Variants in N4BP2 observed in about 807,000 individuals in gnomAD.
N4BP2 encodes NEDD4 binding protein 2.
N4BP2 carries 91 observed loss-of-function variants against 152.8 expected under a neutral mutation model. The ratio of observed to expected loss-of-function variants is 0.60; its 90% CI spans 0.50 to 0.71. N4BP2 has a LOEUF of 0.71. N4BP2 is among the 30% of genes least tolerant of loss of function. The pLI, the probability that N4BP2 is intolerant of heterozygous loss-of-function variation, is 0.00. For missense variants in N4BP2, 1,923 were observed against 2,059.1 expected (o/e 0.93, Z 1.28); for synonymous variants, 646 against 705.3 (o/e 0.92, Z 1.33).
At chr4:40,118,653 C>T (rs1221104907) in intron 8 of N4BP2, among the ~76,000 whole-genome samples, 1 of 152,096 alleles carries the variant, frequency 6.6e-6, no homozygotes, top group Non-Finnish European at 1.5e-5. Context: ...CCAGTATTTC[C>T]CTTATCTTCT....
intron 5 of N4BP2, among the ~76,000 whole-genome samples, chr4:40,110,557 C>T (rs948319533): frequency 2.0e-5 from 3 of 152,108 alleles, no homozygotes; most frequent in African/African-American, 7.2e-5. Context: ...GGAGAAATGT[C>T]TATTCATATT....
Position 40,097,226 on chromosome 4 carries a change from G to A in N4BP2, c.-114-1G>A. ...GTGTTTTTAATTGCTTTCTATTTTA[G>A]GTCTTTTTACTGCTGGATTGTGCAA... On this transcript the variant is annotated splice_acceptor_variant, in intron 2 of 17. Transcript: ENST00000261435. LOFTEE classifies it low-confidence loss of function (5UTR_SPLICE). The A allele has an allele frequency of 1.3e-6, 1 of 769,488 alleles. No individual in the cohort carries two copies. Among genetic ancestry groups the A allele is most frequent in the Non-Finnish European group, 2.2e-6 (1 of 460,964 alleles). The allele number at this position is 769,488 out of a possible 1,614,324, so 47.7% of individuals were successfully genotyped here. A position where few individuals can be genotyped will look rare whatever the true frequency, so the allele number is the denominator to read the frequency against.
intron 15 of N4BP2, among the ~76,000 whole-genome samples, chr4:40,143,216 T>G (rs916643973): frequency 2.6e-5 from 4 of 152,244 alleles, no homozygotes; most frequent in African/African-American, 9.6e-5. Context: ...TTTGGTAATA[T>G]ATCACTTTCA....
chr4:40,081,568 C>T (rs767942281), intron 2 of N4BP2, among the ~76,000 whole-genome samples: 24 of 151,270 alleles, frequency 1.6e-4, no homozygotes, highest in Non-Finnish European at 2.7e-4. Context: ...ATTGCTTGAA[C>T]GCGGGAGCTG....
intron 2 of N4BP2, among the ~76,000 whole-genome samples, chr4:40,087,689 C>G (rs1714116451): frequency 6.6e-6 from 1 of 151,288 alleles, no homozygotes; most frequent in Non-Finnish European, 1.5e-5. Context: ...CCCCTCCGCC[C>G]AAAAAAAAGG....
At chr4:40,136,800 T>A in intron 13 of N4BP2, 144 bp from the exon 14 acceptor site, 1 of 581,794 alleles carries the variant, frequency 1.7e-6, no homozygotes. Flanking sequence ...AGATACACCA[T>A]GAGCATTTAA....
chr4:40,136,856 G>C, intron 13 of N4BP2, 88 bp from the exon 14 acceptor site: 1 of 956,948 alleles, frequency 1.0e-6, no homozygotes, highest in East Asian at 2.6e-5. Context: ...TCATATTCTT[G>C]TAAGATGTTT....
chr4:40,176,482 G>A, the N4BP2 span, among the ~76,000 whole-genome samples: 1 of 152,140 alleles, frequency 6.6e-6, no homozygotes, highest in Non-Finnish European at 1.5e-5. Flanking sequence ...CATACAAGGA[G>A]TGGAGAGTGT....
At chr4:40,078,652 A>G (rs1016802943) in intron 2 of N4BP2, among the ~76,000 whole-genome samples, 2 of 151,784 alleles carry the variant, frequency 1.3e-5, no homozygotes, top group African/African-American at 4.8e-5. Flanking sequence ...TAGCTTCCCA[A>G]GTAGCTGGGA....
In N4BP2 at chr4:40,106,965, G is replaced by C; in HGVS notation, c.1439G>C (p.Gly480Ala). The C allele has an allele frequency of 6.2e-7, 1 of 1,612,364 alleles. No homozygotes were observed. The highest frequency in any genetic ancestry group is 8.5e-7 in the Non-Finnish European group (1 of 1,178,488). ...ACTGATGATTATTTTTATATAAATG[G>C]ACAGTACCAGTTTGATGTAAAGTAC... is the stretch of plus-strand genomic sequence containing the variant. ...LSTDDYFYIN[G>A]QYQFDVKYLG... is the part of the protein sequence containing the mutation. Residue 480 changes from glycine to alanine, a missense_variant, in exon 5 of 18, where the codon GGA (glycine) becomes GCA (alanine). Coordinates refer to ENST00000261435, the MANE Select transcript of N4BP2 (RefSeq NM_018177.6).
At chr4:40,074,158 T>C (rs186110660) in intron 2 of N4BP2, among the ~76,000 whole-genome samples, 91 of 139,960 alleles carry the variant, frequency 6.5e-4, no homozygotes, top group Non-Finnish European at 1.1e-3. Flanking sequence ...TGGCACGATC[T>C]TGGCTCACTG....
intron 1 of N4BP2, among the ~76,000 whole-genome samples, chr4:40,070,772 C>G (rs756768164): frequency 6.6e-5 from 10 of 151,920 alleles, no homozygotes; most frequent in Non-Finnish European, 1.5e-4. Context: ...ATACTATATT[C>G]AGATTTCCTG....
At chr4:40,170,133 CAA>C in the N4BP2 span, among the ~76,000 whole-genome samples, 1 of 151,884 alleles carries the variant, frequency 6.6e-6, no homozygotes, top group Admixed American at 6.6e-5. Flanking sequence ...ACATTTAACT[CAA>C]TAATTGTGTC....
intron 13 of N4BP2, among the ~76,000 whole-genome samples, chr4:40,136,082 G>A (rs558616654): frequency 2.6e-5 from 4 of 152,156 alleles, no homozygotes; most frequent in African/African-American, 7.2e-5. Context: ...AGATATGACT[G>A]AATAATGCAG....
intron 2 of N4BP2, among the ~76,000 whole-genome samples, chr4:40,091,060 A>C (rs114736092): frequency 1.6e-5 from 2 of 127,722 alleles, no homozygotes; most frequent in Non-Finnish European, 3.2e-5. Flanking sequence ...TTCAGTGTCC[A>C]TGTGTTTTTT....
At chr4:40,175,338 G>GAAAAAAAAAAAAAA in the N4BP2 span, among the ~76,000 whole-genome samples, 1 of 103,744 alleles carries the variant, frequency 9.6e-6, no homozygotes, top group Non-Finnish European at 2.1e-5. Flanking sequence ...GTGAAATATA[G>GAAAAAAAAAAAAAA]AAAAAAAAAA....
At chr4:40,092,785 T>G (rs141961185) in intron 2 of N4BP2, among the ~76,000 whole-genome samples, 273 of 151,502 alleles carry the variant, frequency 1.8e-3, no homozygotes, top group Non-Finnish European at 3.0e-3. Flanking sequence ...CTGGGACTAC[T>G]GGCGTGCACC....
At chr4:40,135,665 CA>C (rs1380228443) in intron 13 of N4BP2, among the ~76,000 whole-genome samples, 10 of 152,208 alleles carry the variant, frequency 6.6e-5, no homozygotes, top group South Asian at 2.1e-4. Context: ...TGAGTTCAGG[CA>C]ATTCTCCTGT....
chr4:40,085,387 G>C (rs1294468029), intron 2 of N4BP2, among the ~76,000 whole-genome samples: 1 of 152,218 alleles, frequency 6.6e-6, no homozygotes, highest in African/African-American at 2.4e-5. Flanking sequence ...ATACTTTGAT[G>C]TGGGTCTACA....
Sources: gnomAD v4.1 joint callset for allele counts (sites outside exome capture counted in the v4.1 genomes callset) on GRCh38, gnomAD v4.1.1 for gene constraint, MANE v1.5 for transcripts, NCBI Gene and HGNC (gene_info 2026-07-23, HGNC 2026-07-21) for gene names.